The following CHCHD3 variants were observed in gnomAD, a reference collection of about 807,000 sequenced individuals.
The protein encoded by CHCHD3 is coiled-coil-helix-coiled-coil-helix domain containing 3, also known as MICOS complex subunit MIC19.
A neutral mutation model predicts 38.2 loss-of-function variants in CHCHD3; 20 were observed. That is an observed-to-expected ratio of 0.52 (90% CI 0.37 to 0.76). The LOEUF (loss-of-function observed/expected upper bound fraction) is 0.76. CHCHD3 is among the 30% of genes least tolerant of loss of function. The probability of loss-of-function intolerance (pLI) is 0.00; values close to 1 mark genes in which losing one functional copy is unlikely to be tolerated. For synonymous variants in CHCHD3, 82 were observed against 100.0 expected, an observed-to-expected ratio of 0.82 and a Z score of 1.07; for missense variants, 245 against 279.2, an observed-to-expected ratio of 0.88 and a Z score of 0.87.
At chr7:133,021,980 G>A (rs1008073768) in intron 3 of CHCHD3, among the ~76,000 whole-genome samples, 17 of 151,974 alleles carry the variant, frequency 1.1e-4, no homozygotes, top group African/African-American at 2.2e-4. Context: ...CCAGCTACTC[G>A]GGAGGCTGAG....
At chr7:132,848,602 G>T (rs182562888) in intron 5 of CHCHD3, among the ~76,000 whole-genome samples, 157 of 152,016 alleles carry the variant, frequency 1.0e-3, no homozygotes, top group African/African-American at 1.8e-3. Flanking sequence ...AAAAGCTATG[G>T]TTTTTTTTAA....
intron 4 of CHCHD3, among the ~76,000 whole-genome samples, chr7:132,954,953 T>C (rs1185205545): frequency 1.3e-5 from 2 of 152,214 alleles, no homozygotes; most frequent in East Asian, 1.9e-4. Flanking sequence ...GGCCATACCA[T>C]GTACCGCAGA....
At chr7:133,022,311 G>A (rs370146786) in intron 3 of CHCHD3, 40 of 402,496 alleles carry the variant, frequency 9.9e-5, no homozygotes, top group African/African-American at 3.5e-4. Flanking sequence ...AACTTGGCAC[G>A]CAGGGTATAT....
chr7:132,819,687 CAATT>C (rs1204676138), intron 6 of CHCHD3, among the ~76,000 whole-genome samples: 1 of 152,076 alleles, frequency 6.6e-6, no homozygotes, highest in African/African-American at 2.4e-5. Context: ...ACACAGGGAA[CAATT>C]AATTAATTAT....
At chr7:132,916,524 T>C (rs372817318) in intron 4 of CHCHD3, among the ~76,000 whole-genome samples, 3 of 152,198 alleles carry the variant, frequency 2.0e-5, no homozygotes, top group Admixed American at 2.0e-4. Flanking sequence ...ATAACTTTTA[T>C]TATAGTATAT....
chr7:132,812,847 T>C (rs1399041541), intron 6 of CHCHD3, among the ~76,000 whole-genome samples: 1 of 152,180 alleles, frequency 6.6e-6, no homozygotes, highest in Non-Finnish European at 1.5e-5. Context: ...CACAATAGAT[T>C]TCCCTTCAGA....
chr7:132,888,871 G>A (rs1809287014), intron 4 of CHCHD3, among the ~76,000 whole-genome samples: 1 of 151,990 alleles, frequency 6.6e-6, no homozygotes. Context: ...AATGGGGGAG[G>A]GAGGAGCAGA....
chr7:132,964,859 C>T (rs546353143), intron 4 of CHCHD3, among the ~76,000 whole-genome samples: 3 of 152,250 alleles, frequency 2.0e-5, no homozygotes, highest in South Asian at 2.1e-4. Flanking sequence ...CATGCCAGAA[C>T]TTTTTAAATG....
chr7:132,956,686 C>T (rs1441007959), intron 4 of CHCHD3, among the ~76,000 whole-genome samples: 2 of 152,180 alleles, frequency 1.3e-5, no homozygotes, highest in African/African-American at 2.4e-5. Flanking sequence ...GATATTTACT[C>T]ACTATCTCAC....
intron 1 of CHCHD3, among the ~76,000 whole-genome samples, chr7:133,072,835 A>G (rs1174111248): frequency 6.6e-6 from 1 of 151,472 alleles, no homozygotes; most frequent in East Asian, 1.9e-4. Flanking sequence ...CAAAAAAAAA[A>G]AAAAAAGATC....
intron 3 of CHCHD3, among the ~76,000 whole-genome samples, chr7:133,005,306 C>T (rs980339254): frequency 2.6e-5 from 4 of 152,132 alleles, no homozygotes; most frequent in Admixed American, 6.5e-5. Context: ...AAGGGTGAAG[C>T]GCATGTGTCT....
chr7:132,964,732 A>G (rs1019968398), intron 4 of CHCHD3, among the ~76,000 whole-genome samples: 1 of 152,230 alleles, frequency 6.6e-6, no homozygotes, highest in African/African-American at 2.4e-5. Context: ...TTTAAATAAG[A>G]AAATTCAAAA....
chr7:133,036,914 T>G (rs994149405), intron 2 of CHCHD3, among the ~76,000 whole-genome samples: 2 of 152,020 alleles, frequency 1.3e-5, no homozygotes, highest in African/African-American at 2.4e-5. Flanking sequence ...GATTTGTTGG[T>G]TTTTTTAACC....
intron 3 of CHCHD3, among the ~76,000 whole-genome samples, chr7:133,002,240 T>C (rs992674315): frequency 6.6e-6 from 1 of 152,218 alleles, no homozygotes; most frequent in Non-Finnish European, 1.5e-5. Flanking sequence ...AGGTGCTTTA[T>C]ATATGTTATC....
At chr7:132,851,309 T>C (rs1003433383) in intron 5 of CHCHD3, among the ~76,000 whole-genome samples, 9 of 152,356 alleles carry the variant, frequency 5.9e-5, no homozygotes, top group Middle Eastern at 6.8e-3. Flanking sequence ...TCATCATGCA[T>C]GAAAGTTATC....
chr7:133,008,987 A>G (rs1010511653), intron 3 of CHCHD3, among the ~76,000 whole-genome samples: 4 of 151,716 alleles, frequency 2.6e-5, no homozygotes, highest in African/African-American at 4.8e-5. Context: ...AAAAAAAACA[A>G]CAACAACAAA....
At chr7:132,968,499 T>A (rs1179017373) in intron 4 of CHCHD3, among the ~76,000 whole-genome samples, 1 of 152,184 alleles carries the variant, frequency 6.6e-6, no homozygotes, top group African/African-American at 2.4e-5. Flanking sequence ...TTTTTGGAAT[T>A]CAAAGCAAAC....
chr7:132,800,801 G>A (rs2117035804), intron 6 of CHCHD3, among the ~76,000 whole-genome samples: 1 of 152,052 alleles, frequency 6.6e-6, no homozygotes, highest in Admixed American at 6.5e-5. Context: ...GGAACAAGAA[G>A]GAAAGAAGGA....
At chr7:133,039,124 CT>C (rs993408205) in intron 2 of CHCHD3, among the ~76,000 whole-genome samples, 1 of 151,410 alleles carries the variant, frequency 6.6e-6, no homozygotes, top group Admixed American at 6.6e-5. Flanking sequence ...AAACCAATTT[CT>C]TTTTTTTTAA....
Sources: gnomAD v4.1 joint callset for allele counts (sites outside exome capture counted in the v4.1 genomes callset) on GRCh38, gnomAD v4.1.1 for gene constraint, MANE v1.5 for transcripts, NCBI Gene and HGNC (gene_info 2026-07-23, HGNC 2026-07-21) for gene names.